KIAA2012: variants seen among roughly 807,000 people sequenced by gnomAD.
The protein encoded by KIAA2012 is uncharacterized protein KIAA2012.
A neutral mutation model predicts 150.6 loss-of-function variants in KIAA2012; 125 were observed. The ratio of observed to expected loss-of-function variants is 0.83; its 90% CI spans 0.72 to 0.96. KIAA2012 has a LOEUF of 0.96. Ranked by LOEUF, KIAA2012 falls within the 40% of genes least tolerant of loss-of-function variation. The probability of loss-of-function intolerance (pLI) is 0.00; values close to 1 mark genes in which losing one functional copy is unlikely to be tolerated. For synonymous variants in KIAA2012, 462 were observed against 504.7 expected (o/e 0.92, Z 1.13); for missense variants, 1,219 against 1,354.9 (o/e 0.90, Z 1.57).
chr2:202,084,101 C>A lies in KIAA2012; in HGVS notation c.370-6669C>A, dbSNP rs570253974. Among the ~76,000 whole-genome samples the A allele has an allele frequency of 7.9e-5, 12 of 152,154 alleles. No individual in the cohort carries two copies. The East Asian group carries it at 2.3e-3, about 29-fold the overall frequency. On this transcript the variant is annotated intron_variant, in intron 2 of 23. Coordinates refer to ENST00000498697, the MANE Select transcript of KIAA2012 (RefSeq NM_001277372.4). Reference sequence around the variant, plus strand: ...AATATACCTGGGGAAGTGGGTGGGGCCAAATTGTGGAGGGCTGTGCCTGCC... The same window carrying A: ...AATATACCTGGGGAAGTGGGTGGGGACAAATTGTGGAGGGCTGTGCCTGCC...
intron 12 of KIAA2012, among the ~76,000 whole-genome samples, chr2:202,134,703 C>T (rs749947387): frequency 3.3e-5 from 5 of 151,938 alleles, no homozygotes; most frequent in Non-Finnish European, 5.9e-5. Context: ...TACAGGCGCC[C>T]GCTACCACAT....
intron 2 of KIAA2012, among the ~76,000 whole-genome samples, chr2:202,087,054 C>T (rs928172033): frequency 1.3e-5 from 2 of 152,170 alleles, no homozygotes; most frequent in Admixed American, 1.3e-4. Context: ...TCAAATCCTG[C>T]CCACTACTTG....
At chr2:202,120,597 C>T (rs902608872) in intron 11 of KIAA2012, among the ~76,000 whole-genome samples, 1 of 152,180 alleles carries the variant, frequency 6.6e-6, no homozygotes, top group African/African-American at 2.4e-5. Context: ...TCCCTCTCTA[C>T]TGTGATGCTT....
At chr2:202,145,911 C>T (rs534657473) in intron 13 of KIAA2012, among the ~76,000 whole-genome samples, 1 of 152,018 alleles carries the variant, frequency 6.6e-6, no homozygotes, top group African/African-American at 2.4e-5. Context: ...TCTTGAACTC[C>T]TGACCTCAGG....
At chr2:202,184,865 A>G in intron 16 of KIAA2012, 22 bp downstream of exon 16, 1 of 1,503,592 alleles carries the variant, frequency 6.7e-7, no homozygotes. Flanking sequence ...AAGTTGTAAT[A>G]ACATAGGCTT....
chr2:202,194,473 C>G, intron 21 of KIAA2012, 111 bp downstream of exon 21: 1 of 1,025,042 alleles, frequency 9.8e-7, no homozygotes, highest in Non-Finnish European at 1.3e-6. Context: ...GTGTTAAGCA[C>G]TCTAAATAAT....
rs1319097871 is a variant in KIAA2012, at chr2:202,106,138, C to CTGCTAATA, written c.1474+230_1474+237dup. ...GTTACTTACTCCCTAACTCATCCCACTGCTAATATTTTAACAGTGTCCAGC... is the reference window on the plus strand; with the variant it reads ...GTTACTTACTCCCTAACTCATCCCACTGCTAATATGCTAATATTTTAACAGTGTCCAGC... On this transcript the variant is annotated intron_variant, in intron 9 of 23. Coordinates refer to ENST00000498697, the MANE Select transcript of KIAA2012 (RefSeq NM_001277372.4). 4 of 1,240,122 alleles carry CTGCTAATA rather than the reference C, an allele frequency of 3.2e-6. No homozygotes were observed. In the African/African-American group the frequency reaches 6.0e-5, roughly 19 times the overall value. 76.8% of individuals were successfully genotyped at this position (1,240,122 alleles called of 1,614,324 possible).
chr2:202,187,311 CT>C (rs1030939070), intron 17 of KIAA2012, among the ~76,000 whole-genome samples: 19 of 148,008 alleles, frequency 1.3e-4, no homozygotes, highest in Non-Finnish European at 1.2e-4. Flanking sequence ...TTTCTAATTC[CT>C]TTTTTTTTTG....
At chr2:202,179,771 C>G in intron 15 of KIAA2012, 1 of 632,604 alleles carries the variant, frequency 1.6e-6, no homozygotes, top group Admixed American at 1.8e-5. Flanking sequence ...GCCTGGAAAG[C>G]CACAGCAGTG....
At chr2:202,199,992 G>A (rs1479225754) in intron 22 of KIAA2012, among the ~76,000 whole-genome samples, 11 of 138,106 alleles carry the variant, frequency 8.0e-5, no homozygotes, top group Admixed American at 2.4e-4. Flanking sequence ...GTGCAGTGGC[G>A]CAATCTTGGC....
chr2:202,108,926 C>T (rs187900689), intron 9 of KIAA2012, among the ~76,000 whole-genome samples: 26 of 152,256 alleles, frequency 1.7e-4, no homozygotes, highest in African/African-American at 6.0e-4. Context: ...GAGGTGAAGC[C>T]GAGGCCTCAG....
chr2:202,152,373 T>C (rs1425568202), intron 13 of KIAA2012, among the ~76,000 whole-genome samples: 1 of 152,154 alleles, frequency 6.6e-6, no homozygotes, highest in Non-Finnish European at 1.5e-5. Context: ...TGGGGAGACT[T>C]TTCTCAAAGC....
rs536789729 is a variant in KIAA2012, at chr2:202,103,097, A to G, written c.1307A>G (p.Glu436Gly). The G allele has an allele frequency of 1.3e-6, 2 of 1,550,438 alleles. No individual in the cohort carries two copies. Among genetic ancestry groups the G allele is most frequent in the African/African-American group, 1.4e-5 (1 of 73,030 alleles). Reference sequence around the variant, plus strand: ...TACCACACCAAACAACCCCCAAAAGAGAAAGCCCACAGAAGAGGTAGGTCC... The same window carrying G: ...TACCACACCAAACAACCCCCAAAAGGGAAAGCCCACAGAAGAGGTAGGTCC... ...IHYHTKQPPK[E>G]KAHRRGAPHP... Residue 436 changes from glutamate (E) to glycine (G), a missense_variant, in exon 8 of 24, where the codon GAG becomes GGG. Physicochemically the swap from Glu to Gly is moderately conservative, Grantham distance 98. Transcript: ENST00000498697.
At chr2:202,082,596 TAAA>T (rs200520282) in intron 2 of KIAA2012, among the ~76,000 whole-genome samples, 1 of 46,182 alleles carries the variant, frequency 2.2e-5, no homozygotes, top group East Asian at 4.4e-4. Context: ...AGTCTGTCTT[TAAA>T]AAAAAAAAAA....
intron 2 of KIAA2012, 42 bp from the exon 3 acceptor site, chr2:202,090,728 G>C: frequency 1.3e-6 from 2 of 1,517,342 alleles, no homozygotes. Context: ...GGGTGGCTCA[G>C]GGGTCAGCAG....
intron 22 of KIAA2012, among the ~76,000 whole-genome samples, chr2:202,200,639 C>T (rs1692499956): frequency 6.6e-6 from 1 of 150,574 alleles, no homozygotes. Flanking sequence ...TAATGCGTTC[C>T]ATTTATAACA....
chr2:202,194,273 A>T lies in KIAA2012; in HGVS notation c.3098A>T (p.Gln1033Leu). ...CAGCAGCTCCGGTTGAAAGCAGCCC[A>T]GGAGAGAGCCCGGCAACAGCAAGAG... ...RKQQLRLKAA[Q>L]ERARQQQEEF... is the part of the protein sequence containing the mutation. The change falls in exon 21 of 24, where the codon CAG (glutamine) becomes CTG (leucine). Residue 1033 changes from glutamine to leucine, a missense_variant. Coordinates refer to ENST00000498697, the MANE Select transcript of KIAA2012 (RefSeq NM_001277372.4). The T allele has an allele frequency of 6.4e-7, 1 of 1,550,648 alleles. No homozygotes were observed. Among genetic ancestry groups the T allele is most frequent in the Admixed American group, 2.0e-5 (1 of 51,002 alleles).
intron 11 of KIAA2012, chr2:202,115,815 A>G (rs867085135): frequency 1.6e-4 from 25 of 151,812 alleles, no homozygotes; most frequent in African/African-American, 5.8e-4. Context: ...TGAGACTTCC[A>G]GGCTCTGTCA....
chr2:202,084,837 T>TA (rs1262719695), intron 2 of KIAA2012, among the ~76,000 whole-genome samples: 2 of 152,022 alleles, frequency 1.3e-5, no homozygotes, highest in African/African-American at 4.8e-5. Context: ...TTTATTTTTT[T>TA]AAAAAAAAGA....
Sources: gnomAD v4.1 joint callset for allele counts (sites outside exome capture counted in the v4.1 genomes callset) on GRCh38, gnomAD v4.1.1 for gene constraint, MANE v1.5 for transcripts, NCBI Gene and HGNC (gene_info 2026-07-23, HGNC 2026-07-21) for gene names.